MBNL2: variants seen among roughly 807,000 people sequenced by gnomAD.
MBNL2 encodes the protein muscleblind-like protein 2.
In MBNL2, 17 loss-of-function variants were observed where a neutral mutation model predicts 41.9. That is an observed-to-expected ratio of 0.41 (90% CI 0.28 to 0.61). The LOEUF (loss-of-function observed/expected upper bound fraction) is 0.61. Ranked by LOEUF, MBNL2 falls within the 20% of genes least tolerant of loss-of-function variation. The probability of loss-of-function intolerance (pLI) is 0.35; values close to 1 mark genes in which losing one functional copy is unlikely to be tolerated. For synonymous variants in MBNL2, 195 were observed against 182.9 expected, an observed-to-expected ratio of 1.07 and a Z score of -0.53; for missense variants, 336 against 505.6, an observed-to-expected ratio of 0.66 and a Z score of 3.22.
chr13:97,342,241 TATTCCTAG>T (rs1292230018), intron 3 of MBNL2, among the ~76,000 whole-genome samples: 1 of 152,240 alleles, frequency 6.6e-6, no homozygotes, highest in Non-Finnish European at 1.5e-5. Context: ...TATTTCTTCT[TATTCCTAG>T]ATGAGGAATA....
chr13:97,191,273 G>C, the MBNL2 span, among the ~76,000 whole-genome samples: 1 of 151,136 alleles, frequency 6.6e-6, no homozygotes, highest in African/African-American at 2.4e-5. Flanking sequence ...ACAGAAGTGC[G>C]AACCCTTTGC....
At chr13:97,227,786 G>A (rs975114896) in intron 1 of MBNL2, among the ~76,000 whole-genome samples, 3 of 152,136 alleles carry the variant, frequency 2.0e-5, no homozygotes, top group African/African-American at 7.2e-5. Context: ...ACTAGACTTT[G>A]GGACCATTGG....
chr13:97,173,143 G>A, the MBNL2 span, among the ~76,000 whole-genome samples: 1 of 152,134 alleles, frequency 6.6e-6, no homozygotes, highest in Non-Finnish European at 1.5e-5. Flanking sequence ...ACGATGAATG[G>A]ATGGGCTTTG....
At chr13:97,187,233 G>A in the MBNL2 span, among the ~76,000 whole-genome samples, 1 of 152,032 alleles carries the variant, frequency 6.6e-6, no homozygotes, top group Non-Finnish European at 1.5e-5. Context: ...TTGTTTTTCT[G>A]TTTATAAAAG....
intron 3 of MBNL2, among the ~76,000 whole-genome samples, chr13:97,339,715 G>T (rs934877875): frequency 1.3e-5 from 2 of 151,998 alleles, no homozygotes; most frequent in African/African-American, 4.8e-5. Flanking sequence ...TTGAATTCAG[G>T]ATCTGAGAAC....
chr13:97,168,946 T>G, the MBNL2 span, among the ~76,000 whole-genome samples: 3 of 152,158 alleles, frequency 2.0e-5, no homozygotes, highest in African/African-American at 7.2e-5. Flanking sequence ...TATCTGAAAT[T>G]TAGACAGGTT....
chr13:97,166,841 A>AGATAGAAAGAAAGAAAGAAAGAT, the MBNL2 span, among the ~76,000 whole-genome samples: 7 of 114,356 alleles, frequency 6.1e-5, no homozygotes, highest in East Asian at 1.6e-3. Flanking sequence ...GATAGATAGA[A>AGATAGAAAGAAAGAAAGAAAGAT]AGATAGATAG....
At chr13:97,270,092 A>G (rs2050648231) in intron 1 of MBNL2, among the ~76,000 whole-genome samples, 1 of 152,186 alleles carries the variant, frequency 6.6e-6, no homozygotes, top group African/African-American at 2.4e-5. Context: ...GTGACGAGAT[A>G]CCTTGGCAAA....
chr13:97,347,590 C>A (rs1226202008), intron 5 of MBNL2, among the ~76,000 whole-genome samples: 1 of 152,184 alleles, frequency 6.6e-6, no homozygotes, highest in Non-Finnish European at 1.5e-5. Context: ...GGTCAGATTC[C>A]CCATCTCAAT....
chr13:97,176,505 C>T, the MBNL2 span, among the ~76,000 whole-genome samples: 4 of 152,176 alleles, frequency 2.6e-5, no homozygotes, highest in East Asian at 1.9e-4. Context: ...CAGCCCTGCC[C>T]ATGTGAACCT....
the MBNL2 span, among the ~76,000 whole-genome samples, chr13:97,195,557 C>T: frequency 6.6e-6 from 1 of 152,192 alleles, no homozygotes; most frequent in South Asian, 2.1e-4. Context: ...TCTTTGACTG[C>T]TCATTTTTAG....
chr13:97,211,389 G>A, the MBNL2 span, among the ~76,000 whole-genome samples: 2 of 152,188 alleles, frequency 1.3e-5, no homozygotes, highest in Non-Finnish European at 2.9e-5. Flanking sequence ...AGGGTTGCAG[G>A]CAAAGCTGCA....
chr13:97,197,307 G>T, the MBNL2 span, among the ~76,000 whole-genome samples: 1 of 152,138 alleles, frequency 6.6e-6, no homozygotes, highest in Admixed American at 6.5e-5. Context: ...GAAGAAAAAA[G>T]AATGACTTCC....
At position 97,222,356 on chromosome 13, in the gene MBNL2, G is replaced by T. The variant is rs2040934331; in HGVS notation, c.-780G>T. 1 of 398,566 alleles carries T rather than the reference G, an allele frequency of 2.5e-6. No individual in the cohort carries two copies. The highest frequency in any genetic ancestry group is 4.4e-6 in the Non-Finnish European group (1 of 226,022). 24.7% of individuals were successfully genotyped at this position (398,566 alleles called of 1,614,324 possible). ...TTAGACTGTCTTTGCTTCATCATCT[G>T]AAGGTAAAATTTTCCAGATACGGCA... On this transcript the variant is annotated 5_prime_UTR_variant, in exon 1 of 9. Coordinates refer to ENST00000679496, the MANE Select transcript of MBNL2 (RefSeq NM_001382683.1).
At chr13:97,162,931 G>T in the MBNL2 span, among the ~76,000 whole-genome samples, 3 of 152,284 alleles carry the variant, frequency 2.0e-5, no homozygotes, top group Admixed American at 2.0e-4. Flanking sequence ...AACAAAGGTC[G>T]TGAGAATCTT....
At chr13:97,295,428 C>T (rs1315730490) in intron 2 of MBNL2, among the ~76,000 whole-genome samples, 2 of 151,994 alleles carry the variant, frequency 1.3e-5, no homozygotes. Flanking sequence ...CCTGTGCCAG[C>T]GTTGAAATAT....
chr13:97,314,810 G>C (rs1594198198), intron 2 of MBNL2, among the ~76,000 whole-genome samples: 1 of 152,308 alleles, frequency 6.6e-6, no homozygotes, highest in East Asian at 1.9e-4. Context: ...TTTTGAGAGA[G>C]CTAAGTGAGA....
At chr13:97,389,744 A>G (rs1230018424) in intron 8 of MBNL2, among the ~76,000 whole-genome samples, 1 of 151,926 alleles carries the variant, frequency 6.6e-6, no homozygotes, top group African/African-American at 2.4e-5. Flanking sequence ...AAGAAACTGC[A>G]ATTTTTTTTC....
chr13:97,219,122 C>T (rs1261787487), upstream of MBNL2, among the ~76,000 whole-genome samples: 2 of 152,152 alleles, frequency 1.3e-5, no homozygotes, highest in African/African-American at 4.8e-5. Context: ...ATTTCAGTAT[C>T]CACCCAAGAA....
Sources: gnomAD v4.1 joint callset for allele counts (sites outside exome capture counted in the v4.1 genomes callset) on GRCh38, gnomAD v4.1.1 for gene constraint, MANE v1.5 for transcripts, NCBI Gene and HGNC (gene_info 2026-07-23, HGNC 2026-07-21) for gene names.